The following QTMAN variants were observed in gnomAD, a reference collection of about 807,000 sequenced individuals.
QTMAN encodes the protein tRNA-queuosine alpha-mannosyltransferase.
At chr2:144,119,267 C>T in the QTMAN span, among the ~76,000 whole-genome samples, 2 of 152,176 alleles carry the variant, frequency 1.3e-5, no homozygotes, top group South Asian at 4.1e-4. Context: ...AATCTGATTT[C>T]TAACTTTGCA....
At chr2:144,114,301 T>A in the QTMAN span, among the ~76,000 whole-genome samples, 1 of 152,186 alleles carries the variant, frequency 6.6e-6, no homozygotes, top group African/African-American at 2.4e-5. Context: ...CATACTTTTT[T>A]TCCGTTTTTA....
chr2:144,001,427 A>AT, the QTMAN span, among the ~76,000 whole-genome samples: 3 of 152,012 alleles, frequency 2.0e-5, no homozygotes, highest in East Asian at 5.8e-4. Flanking sequence ...CACTCTTTAT[A>AT]TCAACTTTGC....
the QTMAN span, among the ~76,000 whole-genome samples, chr2:144,265,891 T>A: frequency 6.6e-6 from 1 of 152,038 alleles, no homozygotes; most frequent in Admixed American, 6.5e-5. Context: ...CAAATCAGAG[T>A]GGAGAATCCA....
chr2:144,034,945 T>C, the QTMAN span, among the ~76,000 whole-genome samples: 8 of 152,230 alleles, frequency 5.3e-5, no homozygotes, highest in African/African-American at 1.9e-4. Context: ...TCTTGATGTA[T>C]TGCTTAGCCA....
chr2:144,254,809 G>A, the QTMAN span, among the ~76,000 whole-genome samples: 147 of 152,344 alleles, frequency 9.6e-4, no homozygotes, highest in Middle Eastern at 3.4e-3. Context: ...GGCCACAGAA[G>A]CCCAGCTCTT....
chr2:144,247,675 T>C, the QTMAN span, among the ~76,000 whole-genome samples: 1 of 152,066 alleles, frequency 6.6e-6, no homozygotes, highest in African/African-American at 2.4e-5. Flanking sequence ...GACCACAGTA[T>C]TTTCCTTTCT....
chr2:144,259,436 G>C, the QTMAN span, among the ~76,000 whole-genome samples: 7 of 152,148 alleles, frequency 4.6e-5, no homozygotes, highest in African/African-American at 1.7e-4. Flanking sequence ...TGGGATTACA[G>C]GCATGAGCCA....
chr2:144,133,136 TATATATATATATATA>T, the QTMAN span, among the ~76,000 whole-genome samples: 11 of 34,872 alleles, frequency 3.2e-4, no homozygotes, highest in African/African-American at 1.6e-3. Context: ...TATATATATA[TATATATATATATATA>T]ATATAATATA....
chr2:144,286,470 G>T, the QTMAN span, among the ~76,000 whole-genome samples: 1 of 152,124 alleles, frequency 6.6e-6, no homozygotes, highest in Non-Finnish European at 1.5e-5. Flanking sequence ...TTGACTTTGG[G>T]TTGCTCTCTA....
chr2:144,077,685 T>C, the QTMAN span, among the ~76,000 whole-genome samples: 2 of 152,230 alleles, frequency 1.3e-5, no homozygotes, highest in Non-Finnish European at 2.9e-5. Flanking sequence ...GTGTTGTGTG[T>C]GTAGGCATAG....
the QTMAN span, among the ~76,000 whole-genome samples, chr2:144,331,525 AG>A: frequency 2.6e-5 from 4 of 151,974 alleles, no homozygotes; most frequent in African/African-American, 9.7e-5. Flanking sequence ...TACAGGTGGA[AG>A]AAAAGCTGTA....
the QTMAN span, among the ~76,000 whole-genome samples, chr2:144,193,201 T>C: frequency 9.2e-5 from 14 of 152,032 alleles, no homozygotes; most frequent in African/African-American, 3.4e-4. Flanking sequence ...CCACTTTCCA[T>C]ATTATCTTTT....
chr2:144,213,342 T>C, the QTMAN span, among the ~76,000 whole-genome samples: 2 of 152,180 alleles, frequency 1.3e-5, no homozygotes, highest in Admixed American at 1.3e-4. Flanking sequence ...TTTTTAACAG[T>C]ATAGATATTA....
the QTMAN span, among the ~76,000 whole-genome samples, chr2:144,237,498 A>G: frequency 6.6e-6 from 1 of 152,176 alleles, no homozygotes; most frequent in African/African-American, 2.4e-5. Context: ...GTAAATGAAC[A>G]GCGTTTCGTT....
At chr2:144,065,591 G>C in the QTMAN span, among the ~76,000 whole-genome samples, 4 of 152,088 alleles carry the variant, frequency 2.6e-5, no homozygotes, top group African/African-American at 9.6e-5. Context: ...TCAGACCCAG[G>C]GGTGGTAACA....
At chr2:144,116,791 ATT>A in the QTMAN span, among the ~76,000 whole-genome samples, 1 of 152,200 alleles carries the variant, frequency 6.6e-6, no homozygotes, top group Non-Finnish European at 1.5e-5. Context: ...GGAAAACATT[ATT>A]GTTTCCGTTT....
chr2:143,945,646 C>T, the QTMAN span: 1 of 152,208 alleles, frequency 6.6e-6, no homozygotes, highest in South Asian at 2.1e-4. Context: ...CTAGGCCACT[C>T]GATCCTTCCA....
the QTMAN span, among the ~76,000 whole-genome samples, chr2:144,152,768 G>T: frequency 6.6e-6 from 1 of 152,116 alleles, no homozygotes; most frequent in South Asian, 2.1e-4. Flanking sequence ...GGCAATTTAA[G>T]AAGTATAAGA....
At chr2:144,066,454 C>T in the QTMAN span, among the ~76,000 whole-genome samples, 25 of 152,348 alleles carry the variant, frequency 1.6e-4, no homozygotes, top group South Asian at 4.1e-4. Context: ...TTCAGCACTT[C>T]AAAATGGTGT....
Sources: allele counts gnomAD v4.1 joint callset (sites outside exome capture counted in the v4.1 genomes callset), GRCh38; gene constraint gnomAD v4.1.1; transcripts MANE v1.5; gene names NCBI Gene and HGNC (gene_info 2026-07-23, HGNC 2026-07-21).